The following HIBCH variants were observed in gnomAD, a reference collection of about 807,000 sequenced individuals.
HIBCH encodes the protein 3-hydroxyisobutyryl-CoA hydrolase.
HIBCH carries 50 observed loss-of-function variants against 58.2 expected under a neutral mutation model. The ratio of observed to expected loss-of-function variants is 0.86; its 90% CI spans 0.68 to 1.09. The LOEUF is 1.09. Among genes scored for constraint, HIBCH ranks in the 50% least tolerant of loss-of-function variants. HIBCH has a pLI of 0.00. For synonymous variants in HIBCH, 151 were observed against 146.9 expected, an observed-to-expected ratio of 1.03 and a Z score of -0.20; for missense variants, 450 against 449.7, an observed-to-expected ratio of 1.00 and a Z score of -0.01.
intron 2 of HIBCH, among the ~76,000 whole-genome samples, chr2:190,298,569 C>T (rs1296663961): frequency 1.3e-5 from 2 of 151,878 alleles, no homozygotes; most frequent in African/African-American, 2.4e-5. Flanking sequence ...CTGTTCATAT[C>T]CTTCTCCCAC....
At chr2:190,309,617 C>T (rs1194745239) in intron 2 of HIBCH, among the ~76,000 whole-genome samples, 4 of 150,814 alleles carry the variant, frequency 2.7e-5, no homozygotes, top group East Asian at 2.0e-4. Context: ...AGTGCAGTGG[C>T]GCATCTTGGC....
rs1686561328 is a variant in HIBCH at position 190,244,920 on chromosome 2, T to C, written c.858A>G (p.Gln286=). 8 of 1,611,904 alleles carry C rather than the reference T, an allele frequency of 5.0e-6. No individual in the cohort carries two copies. The highest frequency in any genetic ancestry group is 6.8e-6 in the Non-Finnish European group (8 of 1,178,072). Residue 286 remains glutamine, a synonymous_variant, in exon 11 of 14, where the codon CAA becomes CAG. Coordinates refer to ENST00000359678, the MANE Select transcript of HIBCH (RefSeq NM_014362.4). The part of the protein sequence containing the change: ...TVEEIIENLQ[Q]DGSSFALEQL... ...GCTCTAGGGCAAAAGATGAACCATCTTGCTGTAAGTTTTCAATAATTTCTT... is the reference window on the plus strand; with the variant it reads ...GCTCTAGGGCAAAAGATGAACCATCCTGCTGTAAGTTTTCAATAATTTCTT...
intron 11 of HIBCH, among the ~76,000 whole-genome samples, chr2:190,227,122 T>A (rs1685930091): frequency 6.6e-6 from 1 of 152,024 alleles, no homozygotes; most frequent in African/African-American, 2.4e-5. Context: ...CATTGCCAAG[T>A]CAATCCTAAG....
intron 7 of HIBCH, chr2:190,260,332 T>G (rs1283709838): frequency 6.6e-6 from 1 of 152,102 alleles, no homozygotes; most frequent in African/African-American, 2.4e-5. Context: ...TGGATAAATA[T>G]GACAAAAGAT....
At chr2:190,219,541 G>A (rs889616952) in intron 11 of HIBCH, among the ~76,000 whole-genome samples, 9 of 152,042 alleles carry the variant, frequency 5.9e-5, no homozygotes, top group African/African-American at 1.9e-4. Flanking sequence ...TGTTCTTATC[G>A]GCCTGCCCAG....
intron 1 of HIBCH, among the ~76,000 whole-genome samples, chr2:190,318,363 C>G (rs1194504278): frequency 6.6e-6 from 1 of 152,138 alleles, no homozygotes; most frequent in Non-Finnish European, 1.5e-5. Context: ...GGCCAGAGTT[C>G]AAGTGGGGCT....
At chr2:190,284,706 T>A (rs1185140877) in intron 6 of HIBCH, among the ~76,000 whole-genome samples, 1 of 152,190 alleles carries the variant, frequency 6.6e-6, no homozygotes, top group Non-Finnish European at 1.5e-5. Flanking sequence ...ATATCACTAA[T>A]CACCCCATTT....
chr2:190,262,163 C>CA lies in HIBCH; in HGVS notation c.439-930dup, dbSNP rs982653583. Among the ~76,000 whole-genome samples the CA allele has an allele frequency of 7.9e-3, 722 of 91,898 alleles. 10 individuals are homozygous for CA. The highest frequency in any genetic ancestry group is 0.028 in the Middle Eastern group (5 of 180). The allele number at this position is 91,898 out of a possible 152,430, so 60.3% of individuals were successfully genotyped here. ...AAGCTGGTTTTATATGCGGTAGAGA[C>CA]AAAAAAAAAAAAAAGAAAAGAAAAG... On this transcript the variant is annotated intron_variant, in intron 6 of 13. Coordinates refer to ENST00000359678, the MANE Select transcript of HIBCH (RefSeq NM_014362.4).
intron 10 of HIBCH, 81 bp from the exon 11 acceptor site, chr2:190,245,049 T>G: frequency 1.1e-6 from 1 of 878,212 alleles, no homozygotes; most frequent in East Asian, 2.4e-5. Context: ...AACATAGGCT[T>G]TCCCCCACCT....
intron 1 of HIBCH, among the ~76,000 whole-genome samples, chr2:190,196,131 T>C (rs1351804745): frequency 5.3e-5 from 8 of 152,080 alleles, no homozygotes; most frequent in Non-Finnish European, 7.4e-5. Context: ...GGTTTTCTAA[T>C]TGTCCCTCCC....
At chr2:190,295,196 C>T (rs1325444320) in intron 3 of HIBCH, among the ~76,000 whole-genome samples, 2 of 152,096 alleles carry the variant, frequency 1.3e-5, no homozygotes, top group East Asian at 3.8e-4. Context: ...GAACAATGGA[C>T]GAAATGAAAA....
At position 190,236,693 on chromosome 2, in the gene HIBCH, C is replaced by T. The variant is rs376700065; in HGVS notation, c.891+8194G>A. Among the ~76,000 whole-genome samples, 1 of 152,100 alleles carries T rather than the reference C, an allele frequency of 6.6e-6. No homozygotes were observed. On this transcript the variant is annotated intron_variant, in intron 11 of 13. Transcript: ENST00000359678. This position sits in a 1 kb window ranked among gnomAD's most constrained non-coding sequence, Gnocchi z 4.1. Reference sequence around the variant, plus strand: ...GCACTAATATTCTTTTTTGTATCTACAATAAAAGGCTTAGAGCCAGTGCAA... The same window carrying T: ...GCACTAATATTCTTTTTTGTATCTATAATAAAAGGCTTAGAGCCAGTGCAA...
At chr2:190,192,771 GTGTTCA>G (rs1158411674) in intron 1 of HIBCH, among the ~76,000 whole-genome samples, 1 of 152,024 alleles carries the variant, frequency 6.6e-6, no homozygotes. Context: ...TTATCCCTAA[GTGTTCA>G]TGTTTTTGAT....
chr2:190,269,418 T>C (rs1184421975), intron 6 of HIBCH, among the ~76,000 whole-genome samples: 1 of 152,020 alleles, frequency 6.6e-6, no homozygotes, highest in African/African-American at 2.4e-5. Flanking sequence ...GTGAAGGATA[T>C]GAACAGACTC....
intron 2 of HIBCH, among the ~76,000 whole-genome samples, chr2:190,300,112 A>G (rs577903031): frequency 1.3e-5 from 2 of 152,196 alleles, no homozygotes; most frequent in Non-Finnish European, 1.5e-5. Context: ...TATTGTGAAG[A>G]TCCTGCAGTG....
intron 6 of HIBCH, among the ~76,000 whole-genome samples, chr2:190,286,163 T>C (rs1687822775): frequency 1.3e-5 from 2 of 152,120 alleles, no homozygotes; most frequent in Admixed American, 6.5e-5. Flanking sequence ...TAAACCCTCA[T>C]GTGACAAGGG....
intron 9 of HIBCH, among the ~76,000 whole-genome samples, chr2:190,248,699 T>C (rs1203282222): frequency 6.6e-6 from 1 of 151,636 alleles, no homozygotes; most frequent in African/African-American, 2.4e-5. Flanking sequence ...CTGTCTCTAC[T>C]AAAACACAAA....
rs912759792 is a variant in HIBCH at position 190,217,249 on chromosome 2, T to G, written c.892-4174A>C. The stretch of plus-strand genomic sequence containing the variant: ...CTGTAATCCCAACACTTTCTGAGAC[T>G]GAGGCAGGTGGATCACCTGAGGTCA... On this transcript the variant is annotated intron_variant, in intron 11 of 13. Transcript: ENST00000359678. The surrounding 1 kb of genome is among the most constrained non-coding windows in gnomAD (Gnocchi z 4.6). 2.0e-5 allele frequency among the ~76,000 whole-genome samples: 3 copies of G among 152,300 alleles called. No individual in the cohort carries two copies. In the East Asian group the frequency reaches 5.8e-4, roughly 29 times the overall value.
chr2:190,269,546 T>C (rs898076807), intron 6 of HIBCH, among the ~76,000 whole-genome samples: 7 of 152,148 alleles, frequency 4.6e-5, no homozygotes, highest in African/African-American at 1.7e-4. Context: ...CCAGTTAGAA[T>C]GGTGATTATT....
Sources: allele counts gnomAD v4.1 joint callset (sites outside exome capture counted in the v4.1 genomes callset), GRCh38; gene constraint gnomAD v4.1.1; non-coding constraint Gnocchi (gnomAD v3.1); transcripts MANE v1.5; gene names NCBI Gene and HGNC (gene_info 2026-07-23, HGNC 2026-07-21).